The following ASB3 variants were observed in gnomAD, a reference collection of about 807,000 sequenced individuals.
ASB3 encodes the protein ankyrin repeat and SOCS box protein 3.
A neutral mutation model predicts 54.5 loss-of-function variants in ASB3; 41 were observed. The observed-to-expected ratio is 0.75, with a 90% confidence interval of 0.59 to 0.98. The LOEUF is 0.98. Ranked by LOEUF, ASB3 falls within the 50% of genes least tolerant of loss-of-function variation. The probability of loss-of-function intolerance (pLI) is 0.00; values close to 1 mark genes in which losing one functional copy is unlikely to be tolerated. For missense variants in ASB3, 733 were observed against 620.0 expected (o/e 1.18, Z -1.94); for synonymous variants, 266 against 221.2 (o/e 1.20, Z -1.80).
At chr2:53,762,896 T>G (rs543682020) in intron 2 of ASB3, among the ~76,000 whole-genome samples, 1 of 152,234 alleles carries the variant, frequency 6.6e-6, no homozygotes, top group Non-Finnish European at 1.5e-5. Context: ...CAGAAGACCA[T>G]GTATGGTACT....
intron 9 of ASB3, among the ~76,000 whole-genome samples, chr2:53,673,848 G>C (rs913220816): frequency 6.6e-6 from 1 of 152,158 alleles, no homozygotes; most frequent in Non-Finnish European, 1.5e-5. Flanking sequence ...CCTTCTAAGA[G>C]CACAACAGAT....
intron 1 of ASB3, among the ~76,000 whole-genome samples, chr2:53,782,273 C>G (rs1674692049): frequency 6.6e-6 from 1 of 152,174 alleles, no homozygotes; most frequent in African/African-American, 2.4e-5. Flanking sequence ...CAAAATCGCA[C>G]TGAAATGCAC....
chr2:53,761,318 C>A (rs1362867631), intron 2 of ASB3, among the ~76,000 whole-genome samples: 1 of 152,046 alleles, frequency 6.6e-6, no homozygotes, highest in Admixed American at 6.5e-5. Context: ...GAGGGAGGGA[C>A]AATGATCAGG....
intron 9 of ASB3, among the ~76,000 whole-genome samples, chr2:53,682,802 C>T (rs566802098): frequency 1.1e-4 from 16 of 152,128 alleles, no homozygotes; most frequent in African/African-American, 1.7e-4. Context: ...TAAATAAATG[C>T]GCCAATTTTT....
At chr2:53,763,612 G>C (rs899915871) in intron 2 of ASB3, 4 of 169,252 alleles carry the variant, frequency 2.4e-5, no homozygotes, top group African/African-American at 4.8e-5. Context: ...GACAACTGTA[G>C]AGATGAATTT....
intron 3 of ASB3, among the ~76,000 whole-genome samples, chr2:53,749,005 A>G (rs1451241327): frequency 6.6e-6 from 1 of 152,158 alleles, no homozygotes; most frequent in Non-Finnish European, 1.5e-5. Context: ...TAATCTCAAA[A>G]GGATTAAAAA....
At chr2:53,677,936 T>C (rs546946351) in intron 9 of ASB3, among the ~76,000 whole-genome samples, 1 of 152,354 alleles carries the variant, frequency 6.6e-6, no homozygotes. Context: ...TTGATAATTT[T>C]ATATTTGTCA....
intron 8 of ASB3, among the ~76,000 whole-genome samples, chr2:53,695,626 C>A (rs896978089): frequency 6.6e-6 from 1 of 151,566 alleles, no homozygotes; most frequent in East Asian, 1.9e-4. Flanking sequence ...GTTAATATAA[C>A]GGTGAGTTTA....
chr2:53,717,483 C>T (rs1052856702), intron 5 of ASB3, among the ~76,000 whole-genome samples: 4 of 151,392 alleles, frequency 2.6e-5, no homozygotes, highest in Non-Finnish European at 5.9e-5. Context: ...TATTTAAAAT[C>T]ATAAATGTGA....
At chr2:53,770,481 C>T (rs940612979) in intron 1 of ASB3, among the ~76,000 whole-genome samples, 3 of 141,428 alleles carry the variant, frequency 2.1e-5, no homozygotes, top group Admixed American at 1.5e-4. Flanking sequence ...TTTGGTACTC[C>T]GTGGACGAAG....
chr2:53,682,460 T>C (rs188811095), intron 9 of ASB3, among the ~76,000 whole-genome samples: 5 of 152,260 alleles, frequency 3.3e-5, no homozygotes, highest in Non-Finnish European at 7.4e-5. Flanking sequence ...ATTTTTTATT[T>C]CTTTTTCAGA....
At chr2:53,684,512 G>C (rs763390267) in intron 9 of ASB3, among the ~76,000 whole-genome samples, 22 of 152,184 alleles carry the variant, frequency 1.4e-4, no homozygotes, top group Non-Finnish European at 2.8e-4. Flanking sequence ...CACTGATTAT[G>C]AGAAAGAGCA....
chr2:53,691,921 A>T (rs977848623), intron 9 of ASB3, among the ~76,000 whole-genome samples: 1 of 152,210 alleles, frequency 6.6e-6, no homozygotes, highest in Non-Finnish European at 1.5e-5. Flanking sequence ...TGTAACAAGG[A>T]GAGGGATAAA....
intron 3 of ASB3, among the ~76,000 whole-genome samples, chr2:53,749,287 A>C (rs1672393761): frequency 6.6e-6 from 1 of 152,092 alleles, no homozygotes; most frequent in Non-Finnish European, 1.5e-5. Flanking sequence ...CTAAGATGTA[A>C]GGGAGAAAAA....
At chr2:53,699,738 T>C (rs1164336938) in intron 8 of ASB3, among the ~76,000 whole-genome samples, 1 of 149,778 alleles carries the variant, frequency 6.7e-6, no homozygotes, top group Non-Finnish European at 1.5e-5. Context: ...GTCTTCTTCT[T>C]GCCCCCCAAA....
In ASB3 at chr2:53,716,616, C is replaced by G. The variant is rs763154022; in HGVS notation, c.732G>C (p.Glu244Asp). ...SGADPDLYCN[E>D]DSWQLPIHAA... ...CATGAATAGGTAACTGCCAACTGTCCTCATTACAGTAAAGATCAGGATCTG... is the reference window on the plus strand; with the variant it reads ...CATGAATAGGTAACTGCCAACTGTCGTCATTACAGTAAAGATCAGGATCTG... The change falls in exon 6 of 10, where the codon GAG becomes GAC. Residue 244 changes from glutamate (E) to aspartate (D), a missense_variant. Coordinates refer to ENST00000263634, the MANE Select transcript of ASB3 (RefSeq NM_016115.5). The G allele has an allele frequency of 8.7e-6, 14 of 1,614,096 alleles. No individual in the cohort carries two copies. Among genetic ancestry groups the G allele is most frequent in the South Asian group, 1.1e-5 (1 of 91,072 alleles).
At chr2:53,736,100 G>C (rs77709571) in intron 3 of ASB3, among the ~76,000 whole-genome samples, 21 of 151,352 alleles carry the variant, frequency 1.4e-4, no homozygotes, top group Admixed American at 7.2e-4. Context: ...AAGGTAAATA[G>C]TGATAAATTG....
intron 1 of ASB3, among the ~76,000 whole-genome samples, chr2:53,770,943 A>G (rs1370470340): frequency 1.3e-5 from 2 of 152,232 alleles, no homozygotes; most frequent in Admixed American, 1.3e-4. Context: ...ATAACTCAGA[A>G]GTGTAAATCA....
rs555339855 is a variant in ASB3, at chr2:53,693,757, A to G, written c.1369+127T>C. The G allele has an allele frequency of 3.7e-6, 5 of 1,355,720 alleles. No individual in the cohort carries two copies. The African/African-American group carries it at 5.9e-5, about 16-fold the overall frequency. 84.0% of individuals were successfully genotyped at this position (1,355,720 alleles called of 1,614,324 possible). A position where few individuals can be genotyped will look rare whatever the true frequency, so the allele number is the denominator to read the frequency against. ...CCTAACAACCCCATCTTTTCCTCAC[A>G]TAAGAAAATGCAAATTATGTCTAAT... On this transcript the variant is annotated intron_variant, in intron 9 of 9. Transcript: ENST00000263634.
Sources: allele counts gnomAD v4.1 joint callset (sites outside exome capture counted in the v4.1 genomes callset), GRCh38; gene constraint gnomAD v4.1.1; transcripts MANE v1.5; gene names NCBI Gene and HGNC (gene_info 2026-07-23, HGNC 2026-07-21).